The following TRIP4 variants were observed in gnomAD, a reference collection of about 807,000 sequenced individuals.
The protein encoded by TRIP4 is activating signal cointegrator 1.
TRIP4 carries 54 observed loss-of-function variants against 81.8 expected under a neutral mutation model. The observed-to-expected ratio is 0.66, with a 90% CI of 0.53 to 0.83. TRIP4 has a LOEUF of 0.83. TRIP4 is among the 40% of genes least tolerant of loss of function. The pLI is 0.00. For synonymous variants in TRIP4, 270 were observed against 242.8 expected (o/e 1.11, Z -1.04); for missense variants, 662 against 683.6 (o/e 0.97, Z 0.35).
chr15:64,425,914 T>A (rs1892132442), intron 11 of TRIP4, among the ~76,000 whole-genome samples: 1 of 152,086 alleles, frequency 6.6e-6, no homozygotes, highest in Non-Finnish European at 1.5e-5. Context: ...AAACCCCATC[T>A]CTACTAAAAA....
intron 11 of TRIP4, among the ~76,000 whole-genome samples, chr15:64,428,830 T>C (rs1892206717): frequency 6.6e-6 from 1 of 151,716 alleles, no homozygotes; most frequent in Non-Finnish European, 1.5e-5. Context: ...CAGGCTGGTC[T>C]CGAACTCCTG....
At chr15:64,421,851 C>G (rs759615942) in intron 9 of TRIP4, among the ~76,000 whole-genome samples, 1 of 151,994 alleles carries the variant, frequency 6.6e-6, no homozygotes, top group Admixed American at 6.6e-5. Flanking sequence ...CAAGACCATC[C>G]TAGCCAACAT....
At chr15:64,419,277 T>C (rs931362092) in intron 9 of TRIP4, among the ~76,000 whole-genome samples, 1 of 152,214 alleles carries the variant, frequency 6.6e-6, no homozygotes, top group Non-Finnish European at 1.5e-5. Context: ...GTAGAGGTAT[T>C]ATACAGCTGA....
intron 7 of TRIP4, among the ~76,000 whole-genome samples, chr15:64,413,170 C>A (rs1181794292): frequency 1.3e-5 from 2 of 152,052 alleles, no homozygotes; most frequent in Non-Finnish European, 2.9e-5. Context: ...ATAGAATACT[C>A]TTCTGTGGGT....
Position 64,421,295 on chromosome 15 carries a change from TATA to T in TRIP4, c.1358+2571_1358+2573del, listed in dbSNP as rs569672510. On this transcript the variant is annotated intron_variant, in intron 9 of 12. Coordinates refer to ENST00000261884, the MANE Select transcript of TRIP4 (RefSeq NM_016213.5). ...AGACTCCATCTGAAAAAAAAAAAAT[TATA>T]ATACTATATTTTTACGCTACCTTTT... Among the ~76,000 whole-genome samples, 1,314 of 151,044 alleles carry T rather than the reference TATA, an allele frequency of 8.7e-3. 18 individuals carry two copies. The highest frequency in any genetic ancestry group is 0.031 in the African/African-American group (1,261 of 41,146).
chr15:64,417,822 A>T (rs901759572), intron 8 of TRIP4, among the ~76,000 whole-genome samples: 1 of 152,230 alleles, frequency 6.6e-6, no homozygotes, highest in Non-Finnish European at 1.5e-5. Context: ...CCCTAAGCAC[A>T]TGCAGAATTG....
At chr15:64,411,499 C>T (rs1322415887) in intron 7 of TRIP4, among the ~76,000 whole-genome samples, 3 of 151,854 alleles carry the variant, frequency 2.0e-5, no homozygotes, top group African/African-American at 7.3e-5. Context: ...AGGCTGGGTG[C>T]GGTGGCTCAC....
rs940264616 is a variant in TRIP4, at chr15:64,406,245, C to T, written c.698-85C>T. On this transcript the variant is annotated intron_variant, in intron 5 of 12. Coordinates refer to ENST00000261884, the MANE Select transcript of TRIP4 (RefSeq NM_016213.5). The stretch of plus-strand genomic sequence containing the variant: ...GGCCATCAGGCCAGAACCAGATCTT[C>T]TGATGTTTTGTTCTTTGTTGCACAC... 2.6e-6 allele frequency: 4 copies of T among 1,533,792 alleles called. No individual in the cohort carries two copies. In the African/African-American group the frequency reaches 5.5e-5, roughly 21 times the overall value.
In TRIP4 at chr15:64,405,376, G is replaced by T. The variant is rs923534910; in HGVS notation, c.698-954G>T. Among the ~76,000 whole-genome samples, 6 of 151,268 alleles carry T rather than the reference G, an allele frequency of 4.0e-5. No individual in the cohort carries two copies. The East Asian group carries it at 1.2e-3, about 30-fold the overall frequency. On this transcript the variant is annotated intron_variant, in intron 5 of 12. Transcript: ENST00000261884. ...TCACCATGTTAGCCAGGATGGTCTCGATCTCCTGACCTCATGATCCGCCCG... is the reference window on the plus strand; with the variant it reads ...TCACCATGTTAGCCAGGATGGTCTCTATCTCCTGACCTCATGATCCGCCCG...
chr15:64,391,052 C>T (rs1213159372), intron 1 of TRIP4, among the ~76,000 whole-genome samples: 1 of 152,130 alleles, frequency 6.6e-6, no homozygotes, highest in East Asian at 1.9e-4. Flanking sequence ...CCTTGCCTGG[C>T]ATTTAATTGA....
intron 7 of TRIP4, among the ~76,000 whole-genome samples, 172 bp from the exon 8 acceptor site, chr15:64,413,913 C>T (rs933765008): frequency 6.6e-6 from 1 of 152,080 alleles, no homozygotes; most frequent in African/African-American, 2.4e-5. Flanking sequence ...AACTCATATT[C>T]CTTAGGGTTT....
At chr15:64,409,983 A>G (rs1891724464) in intron 7 of TRIP4, among the ~76,000 whole-genome samples, 155 bp downstream of exon 7, 1 of 151,524 alleles carries the variant, frequency 6.6e-6, no homozygotes. Context: ...AAATGTTTAA[A>G]TGAGCACTCC....
intron 11 of TRIP4, among the ~76,000 whole-genome samples, chr15:64,426,701 A>C (rs77820720): frequency 5.9e-5 from 1 of 17,060 alleles, no homozygotes; most frequent in Non-Finnish European, 8.8e-4. Context: ...CTCTGTCTCA[A>C]AAAAAAAAAA....
Position 64,394,072 on chromosome 15 carries a change from G to A in TRIP4, c.228G>A (p.Gln76=). ...ELITKWQKND[Q]ELISDPLQQC... ...TAACCAAATGGCAAAAGAATGATCAGGAGTTGATTTCGGATCCTTTGCAGC... is the reference window on the plus strand; with the variant it reads ...TAACCAAATGGCAAAAGAATGATCAAGAGTTGATTTCGGATCCTTTGCAGC... The change falls in exon 2 of 13, where the codon CAG becomes CAA. Residue 76 remains glutamine, a synonymous_variant. Transcript: ENST00000261884. The A allele has an allele frequency of 6.2e-7, 1 of 1,608,310 alleles. No individual in the cohort carries two copies. Among genetic ancestry groups the A allele is most frequent in the Non-Finnish European group, 8.5e-7 (1 of 1,177,442 alleles).
intron 10 of TRIP4, 73 bp from the exon 11 acceptor site, chr15:64,425,467 T>G: frequency 7.8e-7 from 1 of 1,279,774 alleles, no homozygotes; most frequent in South Asian, 1.3e-5. Context: ...TGTTCAGAAT[T>G]GAAAACAGAT....
intron 12 of TRIP4, among the ~76,000 whole-genome samples, chr15:64,449,788 A>G (rs1475254178): frequency 6.6e-6 from 1 of 152,194 alleles, no homozygotes. Context: ...CAGATAAAGG[A>G]AATTTTTTAA....
At chr15:64,402,929 G>A (rs570055360) in intron 5 of TRIP4, among the ~76,000 whole-genome samples, 4 of 152,000 alleles carry the variant, frequency 2.6e-5, no homozygotes, top group South Asian at 4.2e-4. Flanking sequence ...GCGTGATCTC[G>A]GCTCGCTGCA....
Position 64,387,978 on chromosome 15 carries a change from G to C in TRIP4, c.101+14G>C. 2 of 1,543,404 alleles carry C rather than the reference G, an allele frequency of 1.3e-6. No individual in the cohort carries two copies. Among genetic ancestry groups the C allele is most frequent in the Non-Finnish European group, 1.8e-6 (2 of 1,142,104 alleles). The stretch of plus-strand genomic sequence containing the variant: ...GGAGATCATTCAGTGAGAACAGTTC[G>C]GGTCCAAGCGGGGAAGGAGCTCTGG... On this transcript the variant is annotated intron_variant, in intron 1 of 12. Transcript: ENST00000261884.
intron 1 of TRIP4, among the ~76,000 whole-genome samples, chr15:64,390,894 C>CAA (rs993278926): frequency 1.6e-5 from 2 of 122,572 alleles, no homozygotes; most frequent in East Asian, 2.3e-4. Flanking sequence ...GACTCCGTCT[C>CAA]AAAAAAAAAA....
Sources: allele counts gnomAD v4.1 joint callset (sites outside exome capture counted in the v4.1 genomes callset), GRCh38; gene constraint gnomAD v4.1.1; transcripts MANE v1.5; gene names NCBI Gene and HGNC (gene_info 2026-07-23, HGNC 2026-07-21).